The following SEL1L3 variants were observed in gnomAD, a reference collection of about 807,000 sequenced individuals.
SEL1L3 encodes the protein SEL1L family member 3, also known as protein sel-1 homolog 3.
In SEL1L3, 76 loss-of-function variants were observed where a neutral mutation model predicts 142.8. That is an observed-to-expected ratio of 0.53 (90% CI 0.44 to 0.64). The LOEUF (loss-of-function observed/expected upper bound fraction) is 0.64, where lower values mean the gene tolerates loss of function less well. Among genes scored for constraint, SEL1L3 ranks in the 30% least tolerant of loss-of-function variants. The probability of loss-of-function intolerance (pLI) is 0.00; values close to 1 mark genes in which losing one functional copy is unlikely to be tolerated. For missense variants in SEL1L3, 1,262 were observed against 1,381.7 expected, an observed-to-expected ratio of 0.91 and a Z score of 1.37; for synonymous variants, 504 against 519.6, an observed-to-expected ratio of 0.97 and a Z score of 0.41.
At chr4:25,751,314 T>C (rs1281675525) in intron 23 of SEL1L3, among the ~76,000 whole-genome samples, 1 of 152,182 alleles carries the variant, frequency 6.6e-6, no homozygotes, top group Non-Finnish European at 1.5e-5. Context: ...GTACCCACAG[T>C]ACCCTTGGGT....
chr4:25,745,620 G>A (rs1266153188), downstream of SEL1L3, among the ~76,000 whole-genome samples: 2 of 152,194 alleles, frequency 1.3e-5, no homozygotes, highest in Non-Finnish European at 2.9e-5. Flanking sequence ...TGGGAAGCAG[G>A]GGTGATGAGT....
chr4:25,814,748 G>A (rs2109247177), intron 9 of SEL1L3, among the ~76,000 whole-genome samples: 1 of 151,984 alleles, frequency 6.6e-6, no homozygotes, highest in South Asian at 2.1e-4. Flanking sequence ...GTAAAGACGT[G>A]TTGGAAATAT....
At chr4:25,727,804 C>T in the SEL1L3 span, among the ~76,000 whole-genome samples, 1 of 152,086 alleles carries the variant, frequency 6.6e-6, no homozygotes, top group East Asian at 1.9e-4. Flanking sequence ...GATGGGAGGC[C>T]AGAGTCAGAG....
chr4:25,752,418 GAA>G (rs76936235), intron 23 of SEL1L3, among the ~76,000 whole-genome samples: 1,463 of 98,810 alleles, frequency 0.015, 13 homozygotes, highest in African/African-American at 0.04. Flanking sequence ...CTCCATCTCC[GAA>G]AAAAAAAAAA....
At chr4:25,859,397 A>T (rs1177015453) in intron 1 of SEL1L3, among the ~76,000 whole-genome samples, 1 of 152,178 alleles carries the variant, frequency 6.6e-6, no homozygotes, top group Non-Finnish European at 1.5e-5. Context: ...TTCAGCCCTC[A>T]TCACAATTAT....
At chr4:25,796,908 C>T (rs185572456) in intron 11 of SEL1L3, among the ~76,000 whole-genome samples, 65 of 147,066 alleles carry the variant, frequency 4.4e-4, no homozygotes, top group Admixed American at 1.4e-3. Context: ...GGGACAGTGA[C>T]GCGGGAAGGA....
the SEL1L3 span, among the ~76,000 whole-genome samples, chr4:25,727,459 G>A: frequency 9.2e-5 from 14 of 152,150 alleles, no homozygotes; most frequent in South Asian, 2.1e-4. Flanking sequence ...GTAGCCCATC[G>A]CACTCTTGAA....
rs766119663 is a variant in SEL1L3 at position 25,818,169 on chromosome 4, G to C, written c.1533C>G (p.Phe511Leu). 6.2e-7 allele frequency: 1 copy of C among 1,611,212 alleles called. No individual in the cohort carries two copies. The highest frequency in any genetic ancestry group is 2.2e-5 in the East Asian group (1 of 44,802). Residue 511 changes from phenylalanine to leucine, a missense_variant, in exon 9 of 24, where the codon TTC becomes TTG. Coordinates refer to ENST00000399878, the MANE Select transcript of SEL1L3 (RefSeq NM_015187.5). The stretch of plus-strand genomic sequence containing the variant: ...GCAGATCCATCTCCAGCAATGCCTG[G>C]AACAAGCTGGGGTGTTTGTCTTTCA... ...KELKDKHPSLFQALLEMDLLT... is the reference protein window; with the variant it reads ...KELKDKHPSLLQALLEMDLLT...
chr4:25,842,573 G>A (rs1716239243), intron 2 of SEL1L3, among the ~76,000 whole-genome samples: 1 of 152,240 alleles, frequency 6.6e-6, no homozygotes, highest in Non-Finnish European at 1.5e-5. Context: ...GTTTGTCTGG[G>A]AAGCTGTGGA....
At chr4:25,829,464 A>T (rs1458920509) in intron 6 of SEL1L3, among the ~76,000 whole-genome samples, 1 of 152,244 alleles carries the variant, frequency 6.6e-6, no homozygotes, top group Non-Finnish European at 1.5e-5. Context: ...TACATATATT[A>T]TCTAGCTATG....
At chr4:25,847,068 T>C (rs1000621759) in intron 2 of SEL1L3, among the ~76,000 whole-genome samples, 4 of 152,092 alleles carry the variant, frequency 2.6e-5, no homozygotes, top group African/African-American at 9.7e-5. Context: ...AGCTCCTCTG[T>C]TCTGTTCTTT....
At position 25,788,245 on chromosome 4, in the gene SEL1L3, G is replaced by C; in HGVS notation, c.2196C>G (p.Asp732Glu). Reference protein sequence around the residue: ...LETEDPALIYDYAIVLFKGQG... With the variant: ...LETEDPALIYEYAIVLFKGQG... ...TTACCTTGAATAGCACAATGGCATAGTCATAGATTAACGCAGGATCCTCCG... is the reference window on the plus strand; with the variant it reads ...TTACCTTGAATAGCACAATGGCATACTCATAGATTAACGCAGGATCCTCCG... The change falls in exon 13 of 24, where the codon GAC (aspartate) becomes GAG (glutamate). Residue 732 changes from aspartate to glutamate, a missense_variant. Asp to Glu is a conservative substitution (Grantham distance 45). Around this residue, in one of 3 missense-constraint regions of SEL1L3, gnomAD observed 435 missense variants for 559.2 expected, o/e 0.78. Transcript: ENST00000399878. This position sits in a 1 kb window ranked among gnomAD's most constrained non-coding sequence, Gnocchi z 5.3. The C allele has an allele frequency of 6.2e-7, 1 of 1,613,830 alleles. No homozygotes were observed. The highest frequency in any genetic ancestry group is 8.5e-7 in the Non-Finnish European group (1 of 1,179,850).
the SEL1L3 span, among the ~76,000 whole-genome samples, chr4:25,716,041 A>G: frequency 1.1e-4 from 16 of 152,152 alleles, no homozygotes; most frequent in Non-Finnish European, 5.9e-5. Context: ...TTAAAATTGA[A>G]CACATTTGCT....
intron 12 of SEL1L3, among the ~76,000 whole-genome samples, chr4:25,789,809 A>G (rs1033557732): frequency 6.6e-6 from 1 of 152,062 alleles, no homozygotes; most frequent in African/African-American, 2.4e-5. Flanking sequence ...GGCTCCCACA[A>G]AGGGCTCCTC....
chr4:25,719,626 ATAG>A, the SEL1L3 span: 4 of 152,222 alleles, frequency 2.6e-5, no homozygotes, highest in African/African-American at 9.6e-5. Flanking sequence ...TGGTTAAAAA[ATAG>A]TAGGCTGATG....
the SEL1L3 span, among the ~76,000 whole-genome samples, chr4:25,725,434 G>A: frequency 3.2e-4 from 49 of 151,336 alleles, no homozygotes; most frequent in African/African-American, 1.1e-3. Context: ...TCCTGCCTCC[G>A]CCTCTTGAGT....
At chr4:25,716,163 C>A in the SEL1L3 span, among the ~76,000 whole-genome samples, 1 of 151,400 alleles carries the variant, frequency 6.6e-6, no homozygotes, top group Non-Finnish European at 1.5e-5. Context: ...ATCCAGAGTT[C>A]CAAATCAATA....
At position 25,814,041 on chromosome 4, in the gene SEL1L3, G is replaced by A. The variant is rs1560324036; in HGVS notation, c.1564+4097C>T. On this transcript the variant is annotated intron_variant, in intron 9 of 23. Coordinates refer to ENST00000399878, the MANE Select transcript of SEL1L3 (RefSeq NM_015187.5). ...GCTTTCAGGTCTGAAACGTGCATATGTAGCGGCCTGGAAGTGGAGTGCTGG... is the reference window on the plus strand; with the variant it reads ...GCTTTCAGGTCTGAAACGTGCATATATAGCGGCCTGGAAGTGGAGTGCTGG... Among the ~76,000 whole-genome samples, 3 of 152,206 alleles carry A rather than the reference G, an allele frequency of 2.0e-5. No homozygotes were observed. The South Asian group carries it at 6.2e-4, about 32-fold the overall frequency.
the SEL1L3 span, among the ~76,000 whole-genome samples, chr4:25,725,193 C>T: frequency 1.8e-4 from 27 of 152,022 alleles, no homozygotes; most frequent in South Asian, 2.9e-3. Context: ...TTGGATCTTG[C>T]GCAAAAAAGA....
Sources: allele counts gnomAD v4.1 joint callset (sites outside exome capture counted in the v4.1 genomes callset), GRCh38; gene constraint gnomAD v4.1.1; regional missense constraint gnomAD v4.1.1; non-coding constraint Gnocchi (gnomAD v3.1); transcripts MANE v1.5; gene names NCBI Gene and HGNC (gene_info 2026-07-23, HGNC 2026-07-21).